CAMK4: variants seen among roughly 807,000 people sequenced by gnomAD.
CAMK4 encodes calcium/calmodulin-dependent protein kinase type IV.
In CAMK4, 22 loss-of-function variants were observed where a neutral mutation model predicts 44.9. The ratio of observed to expected loss-of-function variants is 0.49; its 90% CI spans 0.35 to 0.70. The LOEUF (loss-of-function observed/expected upper bound fraction) is 0.70, where lower values mean the gene tolerates loss of function less well. CAMK4 is among the 30% of genes least tolerant of loss of function. The pLI, the probability that CAMK4 is intolerant of heterozygous loss-of-function variation, is 0.01. For missense variants in CAMK4, 498 were observed against 586.8 expected (o/e 0.85, Z 1.56); for synonymous variants, 218 against 215.4 (o/e 1.01, Z -0.11).
chr5:111,236,879 T>G (rs1748755574), intron 1 of CAMK4, among the ~76,000 whole-genome samples: 1 of 152,186 alleles, frequency 6.6e-6, no homozygotes, highest in Non-Finnish European at 1.5e-5. Flanking sequence ...TGCCTCCCCT[T>G]AAGTGTTTCT....
intron 2 of CAMK4, among the ~76,000 whole-genome samples, chr5:111,356,955 GAGAC>G (rs900897999): frequency 3.9e-5 from 6 of 152,142 alleles, no homozygotes; most frequent in Admixed American, 1.3e-4. Context: ...CAGAGAGAGA[GAGAC>G]AGACAGACAG....
chr5:111,294,739 C>T (rs1461444668), intron 1 of CAMK4, among the ~76,000 whole-genome samples: 1 of 151,372 alleles, frequency 6.6e-6, no homozygotes, highest in Non-Finnish European at 1.5e-5. Context: ...TGATACTGTA[C>T]CAGAAGTCCC....
chr5:111,300,335 C>A (rs749917189), intron 1 of CAMK4, among the ~76,000 whole-genome samples: 4 of 152,182 alleles, frequency 2.6e-5, no homozygotes, highest in Non-Finnish European at 5.9e-5. Flanking sequence ...TTTCTGAAAT[C>A]TGAAACTTTG....
intron 1 of CAMK4, 46 bp from the exon 2 acceptor site, chr5:111,343,978 C>G (rs530980821): frequency 1.8e-6 from 2 of 1,124,236 alleles, no homozygotes; most frequent in South Asian, 2.6e-5. Flanking sequence ...CCCTTTAATT[C>G]ATGTCCAAAG....
intron 5 of CAMK4, among the ~76,000 whole-genome samples, chr5:111,405,062 A>T (rs541604030): frequency 1.3e-5 from 2 of 152,320 alleles, no homozygotes; most frequent in Non-Finnish European, 2.9e-5. Context: ...AGATGGTAAA[A>T]GTGCACTTAG....
rs1755562681 is a variant in CAMK4 at position 111,484,954 on chromosome 5, T to G, written c.*488T>G. 1 of 152,382 alleles carries G rather than the reference T, an allele frequency of 6.6e-6. No individual in the cohort carries two copies. The highest frequency in any genetic ancestry group is 1.5e-5 in the Non-Finnish European group (1 of 68,140). The allele number at this position is 152,382 out of a possible 1,614,324, so 9.4% of individuals were successfully genotyped here. ...GTTCAAACTGTTTACAAGGAGATGC[T>G]TATAGATGATAGTTGTACATATGTG... is the stretch of plus-strand genomic sequence containing the variant. On this transcript the variant is annotated 3_prime_UTR_variant, in exon 11 of 11. Coordinates refer to ENST00000282356, the MANE Select transcript of CAMK4 (RefSeq NM_001744.6). This position sits in a 1 kb window ranked among gnomAD's most constrained non-coding sequence, Gnocchi z 5.3.
At position 111,454,647 on chromosome 5, in the gene CAMK4, C is replaced by CAA. The variant is rs66917170; in HGVS notation, c.625+5459_625+5460dup. Among the ~76,000 whole-genome samples the CAA allele has an allele frequency of 7.0e-3, 804 of 114,468 alleles. 4 individuals are homozygous for CAA. The highest frequency in any genetic ancestry group is 0.014 in the Middle Eastern group (3 of 214). 75.1% of individuals were successfully genotyped at this position (114,468 alleles called of 152,430 possible). ...TGAGAAAATAAGTAGGTCACACAGA[C>CAA]AAAAAAAAAAAAAAAAGAAAAAATC... is the stretch of plus-strand genomic sequence containing the variant. On this transcript the variant is annotated intron_variant, in intron 7 of 10. Transcript: ENST00000282356.
At chr5:111,325,178 G>C (rs583295) in intron 1 of CAMK4, among the ~76,000 whole-genome samples, 139,527 of 151,976 alleles carry the variant, frequency 0.92, 64,165 homozygotes, top group East Asian at 1. Flanking sequence ...AGGACATGAA[G>C]TCATCCTTTT....
At chr5:111,297,745 T>A (rs115890803) in intron 1 of CAMK4, among the ~76,000 whole-genome samples, 62 of 152,338 alleles carry the variant, frequency 4.1e-4, no homozygotes, top group African/African-American at 1.4e-3. Context: ...AATACAAATA[T>A]CTGAATGTTG....
At chr5:111,317,898 T>TAAAAAAAAAAAAAAAAAAAA (rs3066636) in intron 1 of CAMK4, among the ~76,000 whole-genome samples, 4 of 69,816 alleles carry the variant, frequency 5.7e-5, no homozygotes, top group African/African-American at 1.5e-4. Flanking sequence ...GAGTAATATG[T>TAAAAAAAAAAAAAAAAAAAA]AAAAAAAAAA....
At chr5:111,252,098 A>G (rs1237229714) in intron 1 of CAMK4, among the ~76,000 whole-genome samples, 4 of 152,188 alleles carry the variant, frequency 2.6e-5, no homozygotes, top group Non-Finnish European at 2.9e-5. Context: ...GCATAGTCAT[A>G]GTTACAGGGT....
intron 1 of CAMK4, among the ~76,000 whole-genome samples, chr5:111,229,299 G>A (rs1487689939): frequency 2.6e-5 from 4 of 152,120 alleles, no homozygotes; most frequent in South Asian, 2.1e-4. Flanking sequence ...TCGCTGTGTC[G>A]TCACAAGGCA....
intron 8 of CAMK4, among the ~76,000 whole-genome samples, chr5:111,475,055 C>T (rs1197072134): frequency 6.6e-6 from 1 of 151,998 alleles, no homozygotes; most frequent in Non-Finnish European, 1.5e-5. Flanking sequence ...CCCAGCTACT[C>T]GGGAAGCTGA....
chr5:111,432,485 A>T (rs1753484929), intron 5 of CAMK4, among the ~76,000 whole-genome samples: 2 of 151,880 alleles, frequency 1.3e-5, no homozygotes, highest in South Asian at 4.1e-4. Flanking sequence ...TTGTGTGTTT[A>T]AAAATAACTA....
intron 4 of CAMK4, 56 bp downstream of exon 4, chr5:111,376,998 A>C (rs560148576): frequency 9.3e-7 from 1 of 1,078,542 alleles, no homozygotes; most frequent in African/African-American, 1.6e-5. Context: ...CCACCAAAAA[A>C]TAATCTAAAG....
chr5:111,353,576 T>C (rs1750203165), intron 2 of CAMK4, among the ~76,000 whole-genome samples: 1 of 152,086 alleles, frequency 6.6e-6, no homozygotes, highest in Admixed American at 6.6e-5. Context: ...CTCTGTAGAT[T>C]ATATGATTTT....
intron 5 of CAMK4, among the ~76,000 whole-genome samples, chr5:111,401,107 C>A (rs1346766853): frequency 6.6e-6 from 1 of 152,140 alleles, no homozygotes; most frequent in Non-Finnish European, 1.5e-5. Flanking sequence ...TTGTACATAT[C>A]GAACATAGTA....
At chr5:111,360,451 C>A (rs931910262) in intron 2 of CAMK4, among the ~76,000 whole-genome samples, 2 of 151,988 alleles carry the variant, frequency 1.3e-5, no homozygotes, top group Non-Finnish European at 2.9e-5. Flanking sequence ...ATGGGAGAGG[C>A]CAATAAATAC....
At chr5:111,350,249 T>G (rs1750037960) in intron 2 of CAMK4, among the ~76,000 whole-genome samples, 1 of 152,082 alleles carries the variant, frequency 6.6e-6, no homozygotes, top group African/African-American at 2.4e-5. Context: ...TGATGAACAT[T>G]ATTCTTATTA....
Sources: gnomAD v4.1 joint callset for allele counts (sites outside exome capture counted in the v4.1 genomes callset) on GRCh38, gnomAD v4.1.1 for gene constraint, Gnocchi (gnomAD v3.1) non-coding constraint, MANE v1.5 for transcripts, NCBI Gene and HGNC (gene_info 2026-07-23, HGNC 2026-07-21) for gene names.